Variants in ARSJ observed in about 807,000 individuals in gnomAD.
ARSJ encodes the protein arylsulfatase J.
Under a neutral mutation model 35.9 loss-of-function variants are expected in ARSJ, and 26 were observed. That is an observed-to-expected ratio of 0.72 (90% CI 0.53 to 1.00). The LOEUF (loss-of-function observed/expected upper bound fraction) is 1.00. ARSJ is among the 50% of genes least tolerant of loss of function. ARSJ has a pLI of 0.00. For missense variants in ARSJ, 667 were observed against 723.6 expected (o/e 0.92, Z 0.90); for synonymous variants, 294 against 267.6 (o/e 1.10, Z -0.96).
At chr4:113,946,768 G>A (rs564897674) in intron 1 of ARSJ, among the ~76,000 whole-genome samples, 18 of 152,126 alleles carry the variant, frequency 1.2e-4, no homozygotes, top group Admixed American at 5.2e-4. Flanking sequence ...TTCAGTAGCC[G>A]TTCCATGAGG....
intron 1 of ARSJ, among the ~76,000 whole-genome samples, chr4:113,945,009 C>T (rs865891750): frequency 3.3e-5 from 5 of 151,968 alleles, no homozygotes; most frequent in South Asian, 2.1e-4. Context: ...AAATATTTGG[C>T]GTGTTTATAT....
intron 1 of ARSJ, among the ~76,000 whole-genome samples, chr4:113,929,706 T>C (rs905549231): frequency 3.3e-5 from 5 of 152,018 alleles, no homozygotes; most frequent in African/African-American, 1.2e-4. Flanking sequence ...CTCTTTCTGT[T>C]TCGCTCAGGG....
chr4:113,950,435 G>A (rs569259915), intron 1 of ARSJ, among the ~76,000 whole-genome samples: 1 of 152,176 alleles, frequency 6.6e-6, no homozygotes, highest in African/African-American at 2.4e-5. Flanking sequence ...CTGGCAGTAG[G>A]TTTGGTTTGG....
At position 113,978,532 on chromosome 4, in the gene ARSJ, A is replaced by T. The variant is rs1727732335; in HGVS notation, c.303T>A (p.Pro101=). 1 of 1,614,048 alleles carries T rather than the reference A, an allele frequency of 6.2e-7. No homozygotes were observed. The highest frequency in any genetic ancestry group is 1.3e-5 in the African/African-American group (1 of 74,948). ...VGYHGSEIKT[P]TLDKLAAEGV... ...CTTCGGCAGCGAGCTTGTCAAGAGT[A>T]GGTGTTTTAATCTCAGATCCGTGGT... The change falls in exon 1 of 2, where the codon CCT becomes CCA. Residue 101 remains proline, a synonymous_variant. Transcript: ENST00000315366.
intron 1 of ARSJ, among the ~76,000 whole-genome samples, chr4:113,954,515 C>A (rs576844965): frequency 6.6e-6 from 1 of 151,988 alleles, no homozygotes; most frequent in Non-Finnish European, 1.5e-5. Context: ...CCCTGTATTT[C>A]GAAAACTTGA....
intron 1 of ARSJ, among the ~76,000 whole-genome samples, chr4:113,957,152 G>A (rs1352434102): frequency 6.6e-6 from 1 of 152,076 alleles, no homozygotes; most frequent in Non-Finnish European, 1.5e-5. Flanking sequence ...GCAGGTTTGG[G>A]GAGGAAGGCC....
intron 1 of ARSJ, among the ~76,000 whole-genome samples, chr4:113,966,868 C>T (rs189607776): frequency 6.6e-6 from 1 of 152,294 alleles, no homozygotes; most frequent in East Asian, 1.9e-4. Context: ...AGCACTCTGA[C>T]AGGGTCCAGT....
intron 1 of ARSJ, among the ~76,000 whole-genome samples, chr4:113,905,336 C>T (rs1020266726): frequency 6.6e-6 from 1 of 152,050 alleles, no homozygotes; most frequent in African/African-American, 2.4e-5. Context: ...GTGATTTAAC[C>T]TGAAAGGCCA....
chr4:113,922,200 ATAT>A (rs1309434098), intron 1 of ARSJ, among the ~76,000 whole-genome samples: 7 of 152,190 alleles, frequency 4.6e-5, no homozygotes, highest in Admixed American at 4.6e-4. Flanking sequence ...TTAGTCAAAG[ATAT>A]TATGTTAGAA....
intron 1 of ARSJ, among the ~76,000 whole-genome samples, chr4:113,916,413 C>CT (rs1040529895): frequency 2.3e-4 from 35 of 152,040 alleles, no homozygotes; most frequent in African/African-American, 7.5e-4. Context: ...GGATTTTTTT[C>CT]TTTTTTTGGG....
intron 1 of ARSJ, among the ~76,000 whole-genome samples, chr4:113,971,819 C>G (rs918820785): frequency 2.6e-5 from 4 of 152,226 alleles, no homozygotes; most frequent in East Asian, 3.9e-4. Flanking sequence ...CTGCTTAAAA[C>G]TAGGCCTTGA....
chr4:113,962,705 C>T (rs757884003), intron 1 of ARSJ, among the ~76,000 whole-genome samples: 1 of 151,992 alleles, frequency 6.6e-6, no homozygotes, highest in South Asian at 2.1e-4. Flanking sequence ...GCTCTCCATC[C>T]GACCTGCATG....
At chr4:113,924,076 A>AATATATATATAT (rs1164333093) in intron 1 of ARSJ, among the ~76,000 whole-genome samples, 11 of 95,664 alleles carry the variant, frequency 1.1e-4, no homozygotes, top group South Asian at 2.9e-4. Context: ...AATATATATA[A>AATATATATATAT]ATATATATAT....
chr4:113,916,065 C>T (rs1723276366), intron 1 of ARSJ, among the ~76,000 whole-genome samples: 2 of 152,272 alleles, frequency 1.3e-5, no homozygotes, highest in Middle Eastern at 3.4e-3. Context: ...GAATCCATAG[C>T]CCAATGTCTC....
intron 1 of ARSJ, among the ~76,000 whole-genome samples, chr4:113,966,863 T>G (rs1726922704): frequency 6.6e-6 from 1 of 152,164 alleles, no homozygotes; most frequent in South Asian, 2.1e-4. Context: ...AATTCAGCAC[T>G]CTGACAGGGT....
At chr4:113,910,493 G>C (rs1004678577) in intron 1 of ARSJ, among the ~76,000 whole-genome samples, 1 of 152,154 alleles carries the variant, frequency 6.6e-6, no homozygotes, top group Admixed American at 6.6e-5. Context: ...AAATGCAAGA[G>C]ACTGTAGTTT....
chr4:113,930,933 C>T (rs1043744276), intron 1 of ARSJ, among the ~76,000 whole-genome samples: 5 of 150,454 alleles, frequency 3.3e-5, no homozygotes, highest in African/African-American at 4.9e-5. Context: ...GAACAAAAAA[C>T]CAAACACCGC....
intron 1 of ARSJ, among the ~76,000 whole-genome samples, chr4:113,941,133 A>G (rs1015385532): frequency 2.6e-5 from 4 of 152,042 alleles, no homozygotes; most frequent in Non-Finnish European, 4.4e-5. Flanking sequence ...ATATTTTTAA[A>G]GAGGGTGAAT....
At chr4:113,968,842 G>A (rs1727056570) in intron 1 of ARSJ, among the ~76,000 whole-genome samples, 1 of 152,254 alleles carries the variant, frequency 6.6e-6, no homozygotes, top group South Asian at 2.1e-4. Flanking sequence ...TATTGTAGAG[G>A]TGGATTCAGA....
Sources: gnomAD v4.1 joint callset for allele counts (sites outside exome capture counted in the v4.1 genomes callset) on GRCh38, gnomAD v4.1.1 for gene constraint, MANE v1.5 for transcripts, NCBI Gene and HGNC (gene_info 2026-07-23, HGNC 2026-07-21) for gene names.